SHANK2: variants seen among roughly 807,000 people sequenced by gnomAD.
SHANK2 encodes the protein SH3 and multiple ankyrin repeat domains protein 2.
SHANK2 carries 43 observed loss-of-function variants against 133.7 expected under a neutral mutation model. The ratio of observed to expected loss-of-function variants is 0.32; its 90% confidence interval spans 0.25 to 0.41. The LOEUF is 0.41. SHANK2 is among the 10% of genes least tolerant of loss of function. The pLI is 1.00. For missense variants in SHANK2, 1,994 were observed against 2,235.8 expected, an observed-to-expected ratio of 0.89 and a Z score of 2.18; for synonymous variants, 1,017 against 952.8, an observed-to-expected ratio of 1.07 and a Z score of -1.24.
chr11:70,855,970 G>T (rs1359563415), intron 11 of SHANK2, among the ~76,000 whole-genome samples: 1 of 152,114 alleles, frequency 6.6e-6, no homozygotes, highest in Non-Finnish European at 1.5e-5. Flanking sequence ...TGAAGAAATG[G>T]ATAGATGAAT....
At chr11:70,516,274 C>A (rs187411471) in intron 17 of SHANK2, among the ~76,000 whole-genome samples, 261 of 152,310 alleles carry the variant, frequency 1.7e-3, no homozygotes, top group Non-Finnish European at 3.1e-3. Flanking sequence ...GGTGAAAGAA[C>A]AGACAAATAG....
At chr11:70,701,597 G>T (rs1945522668) in intron 14 of SHANK2, among the ~76,000 whole-genome samples, 1 of 152,080 alleles carries the variant, frequency 6.6e-6, no homozygotes, top group East Asian at 1.9e-4. Flanking sequence ...GTAGAGACGG[G>T]GTTTCACCGT....
In SHANK2 at chr11:70,614,397, G is replaced by A. The variant is rs182417048; in HGVS notation, c.2061+45431C>T. ...GTGATCTCAGCTCACTGTAACCTCCGCCTCCCAGGTTCTAAGAGATTCTCC... is the reference window on the plus strand; with the variant it reads ...GTGATCTCAGCTCACTGTAACCTCCACCTCCCAGGTTCTAAGAGATTCTCC... On this transcript the variant is annotated intron_variant, in intron 17 of 25. Transcript: ENST00000601538. Among the ~76,000 whole-genome samples the A allele has an allele frequency of 1.4e-4, 21 of 150,446 alleles. No homozygotes were observed. The East Asian group carries it at 3.5e-3, about 25-fold the overall frequency.
chr11:70,700,247 GAC>G (rs1271226562), intron 14 of SHANK2, among the ~76,000 whole-genome samples: 1 of 152,100 alleles, frequency 6.6e-6, no homozygotes, highest in African/African-American at 2.4e-5. Context: ...CATCGTCACT[GAC>G]ACTTATTGAG....
At chr11:70,685,577 G>T (rs1555019319) in intron 15 of SHANK2, among the ~76,000 whole-genome samples, 1 of 152,204 alleles carries the variant, frequency 6.6e-6, no homozygotes, top group Non-Finnish European at 1.5e-5. Context: ...GAGGGAAGCA[G>T]ATTCCAAGCT....
intron 17 of SHANK2, among the ~76,000 whole-genome samples, chr11:70,557,228 G>A (rs1212530943): frequency 6.6e-6 from 1 of 152,154 alleles, no homozygotes; most frequent in Non-Finnish European, 1.5e-5. Context: ...CCTAGATGCA[G>A]GCTGTGTCCT....
intron 2 of SHANK2, among the ~76,000 whole-genome samples, chr11:71,152,184 C>T (rs2135428973): frequency 6.6e-6 from 1 of 152,310 alleles, no homozygotes; most frequent in East Asian, 1.9e-4. Flanking sequence ...GCAATCTCGG[C>T]TCACTGCAAC....
chr11:70,720,147 G>T (rs1555028603), intron 14 of SHANK2, among the ~76,000 whole-genome samples: 2 of 152,168 alleles, frequency 1.3e-5, no homozygotes, highest in Admixed American at 6.5e-5. Flanking sequence ...CGTTGCCCCT[G>T]GACACAGCTG....
intron 17 of SHANK2, among the ~76,000 whole-genome samples, chr11:70,596,040 G>A (rs1454793167): frequency 6.6e-5 from 10 of 152,286 alleles, no homozygotes; most frequent in Non-Finnish European, 5.9e-5. Context: ...GCCAGGATAC[G>A]GGAAAGGCAA....
Position 70,853,451 on chromosome 11 carries a change from G to A in SHANK2, c.1175-32769C>T, listed in dbSNP as rs978291777. ...CCAGTGACCGAGAGAGGTTTGAAGC[G>A]GACTGGTGCTCAGTTCTGGGTGCAG... On this transcript the variant is annotated intron_variant, in intron 11 of 25. Transcript: ENST00000601538. Among the ~76,000 whole-genome samples the A allele has an allele frequency of 2.0e-5, 3 of 152,152 alleles. No homozygotes were observed. In the East Asian group the frequency reaches 5.8e-4, roughly 29 times the overall value.
chr11:71,196,132 T>C (rs782522427), intron 2 of SHANK2, among the ~76,000 whole-genome samples: 1 of 152,044 alleles, frequency 6.6e-6, no homozygotes, highest in Non-Finnish European at 1.5e-5. Flanking sequence ...GCGGCTGCAG[T>C]GAGCCATGAT....
chr11:70,838,809 A>G (rs1445131520), intron 11 of SHANK2, among the ~76,000 whole-genome samples: 1 of 152,178 alleles, frequency 6.6e-6, no homozygotes, highest in Non-Finnish European at 1.5e-5. Context: ...CAGGATTTCT[A>G]TTGACTTCCA....
At chr11:70,636,587 CTGTG>C (rs1190204026) in intron 17 of SHANK2, among the ~76,000 whole-genome samples, 11 of 113,666 alleles carry the variant, frequency 9.7e-5, no homozygotes, top group Admixed American at 1.8e-4. Context: ...GAATGTGAGT[CTGTG>C]TGAGTGTATG....
intron 17 of SHANK2, among the ~76,000 whole-genome samples, chr11:70,624,850 A>G (rs1255481377): frequency 1.3e-5 from 2 of 152,160 alleles, no homozygotes; most frequent in Non-Finnish European, 2.9e-5. Flanking sequence ...GCTCTGCGAA[A>G]TGCCTCCACC....
chr11:71,112,634 G>A lies in SHANK2; in HGVS notation c.483+659C>T, dbSNP rs146867612. Reference sequence around the variant, plus strand: ...CTTAGGAACAGCACCAGGGGCCAGGGGCCAGGACAAAAGCCTCCTGGGTAT... The same window carrying A: ...CTTAGGAACAGCACCAGGGGCCAGGAGCCAGGACAAAAGCCTCCTGGGTAT... On this transcript the variant is annotated intron_variant, in intron 5 of 25. Coordinates refer to ENST00000601538, the MANE Select transcript of SHANK2 (RefSeq NM_012309.5). Among the ~76,000 whole-genome samples the A allele has an allele frequency of 6.9e-4, 105 of 152,210 alleles. 1 individual carries two copies. Among genetic ancestry groups the A allele is most frequent in the Non-Finnish European group, 1.2e-4 (8 of 68,014 alleles).
At chr11:71,237,137 T>C (rs1439980341) in intron 1 of SHANK2, among the ~76,000 whole-genome samples, 4 of 152,130 alleles carry the variant, frequency 2.6e-5, no homozygotes, top group African/African-American at 9.7e-5. Flanking sequence ...TGCAAGCAAA[T>C]ACTGCAGACC....
chr11:71,172,415 T>C, intron 2 of SHANK2, among the ~76,000 whole-genome samples: 1 of 151,968 alleles, frequency 6.6e-6, no homozygotes, highest in African/African-American at 2.4e-5. Flanking sequence ...TTGGCCAATA[T>C]GGTGACACCC....
intron 12 of SHANK2, among the ~76,000 whole-genome samples, chr11:70,816,808 G>A (rs1432575033): frequency 6.6e-6 from 1 of 152,120 alleles, no homozygotes; most frequent in Admixed American, 6.5e-5. Flanking sequence ...ATGGGGCCTC[G>A]GTCCACAGCC....
chr11:70,699,465 C>A (rs535735322), intron 14 of SHANK2, among the ~76,000 whole-genome samples: 11 of 152,132 alleles, frequency 7.2e-5, no homozygotes, highest in African/African-American at 2.7e-4. Flanking sequence ...GTTTACTTTC[C>A]TCCCAAACAG....
Sources: gnomAD v4.1 joint callset for allele counts (sites outside exome capture counted in the v4.1 genomes callset) on GRCh38, gnomAD v4.1.1 for gene constraint, MANE v1.5 for transcripts, NCBI Gene and HGNC (gene_info 2026-07-23, HGNC 2026-07-21) for gene names.